ARHGAP6: variants seen among roughly 807,000 people sequenced by gnomAD.
ARHGAP6 encodes the protein rho GTPase-activating protein 6.
Under a neutral mutation model 55.7 loss-of-function variants are expected in ARHGAP6, and 16 were observed. That is an observed-to-expected ratio of 0.29 (90% CI 0.19 to 0.44). The LOEUF (loss-of-function observed/expected upper bound fraction) is 0.44. Ranked by LOEUF, ARHGAP6 falls within the 20% of genes least tolerant of loss-of-function variation. The pLI, the probability that ARHGAP6 is intolerant of heterozygous loss-of-function variation, is 1.00. For synonymous variants in ARHGAP6, 382 were observed against 360.9 expected (o/e 1.06, Z -0.66); for missense variants, 698 against 808.9 (o/e 0.86, Z 1.66).
chrX:11,380,562 T>G (rs964403723), intron 1 of ARHGAP6, among the ~76,000 whole-genome samples: 1 of 112,047 alleles, frequency 8.9e-6, no homozygotes, highest in Non-Finnish European at 1.9e-5. Flanking sequence ...ACTTGGGGGC[T>G]TGTAGAAACA....
intron 1 of ARHGAP6, among the ~76,000 whole-genome samples, chrX:11,616,495 T>C (rs2052166247): frequency 9.1e-6 from 1 of 110,277 alleles, no homozygotes; most frequent in Non-Finnish European, 1.9e-5. Flanking sequence ...CCAGCTAATT[T>C]TTTTGTATTT....
intron 1 of ARHGAP6, among the ~76,000 whole-genome samples, chrX:11,436,653 T>C (rs1429753606): frequency 8.9e-6 from 1 of 112,142 alleles, no homozygotes; most frequent in Non-Finnish European, 1.9e-5. Flanking sequence ...CATCAACTGA[T>C]GAATGAATAA....
chrX:11,346,852 ATAC>A (rs2048795470), intron 1 of ARHGAP6, among the ~76,000 whole-genome samples: 1 of 112,443 alleles, frequency 8.9e-6, no homozygotes, highest in Admixed American at 9.4e-5. Context: ...GTATACATTT[ATAC>A]TACATTTTTG....
intron 1 of ARHGAP6, among the ~76,000 whole-genome samples, chrX:11,267,219 T>C (rs7877529): frequency 0.043 from 4,872 of 112,136 alleles, 75 homozygotes; most frequent in Middle Eastern, 0.084. Flanking sequence ...GATAAATATG[T>C]AATTCATTTT....
intron 5 of ARHGAP6, among the ~76,000 whole-genome samples, chrX:11,185,057 GT>G (rs1182575874): frequency 2.7e-5 from 3 of 111,688 alleles, no homozygotes; most frequent in Non-Finnish European, 5.6e-5. Context: ...TAAAGGTACA[GT>G]AAAAATACAG....
At chrX:11,177,554 C>T (rs1256690383) in intron 8 of ARHGAP6, among the ~76,000 whole-genome samples, 1 of 111,518 alleles carries the variant, frequency 9.0e-6, no homozygotes, top group Admixed American at 9.5e-5. Flanking sequence ...AGGACTGACC[C>T]TCCCTTGCAT....
chrX:11,440,189 A>T lies in ARHGAP6; in HGVS notation c.589-185482T>A, dbSNP rs187657388. 6.2e-5 allele frequency among the ~76,000 whole-genome samples: 7 copies of T among 112,381 alleles called. No individual in the cohort carries two copies. In the East Asian group the frequency reaches 1.7e-3, roughly 27 times the overall value. ...TTCCTTGTCTTAAAAACCCTAGGCC[A>T]CTCACAGGAAGTGAACTCGAATTGT... On this transcript the variant is annotated intron_variant, in intron 1 of 12. Coordinates refer to ENST00000337414, the MANE Select transcript of ARHGAP6 (RefSeq NM_013427.3).
chrX:11,573,951 G>C (rs141516743), intron 1 of ARHGAP6, among the ~76,000 whole-genome samples: 2,222 of 111,438 alleles, frequency 0.02, 32 homozygotes, highest in Middle Eastern at 0.064. Flanking sequence ...TGAAGCAATT[G>C]TGAATGGGAG....
intron 1 of ARHGAP6, among the ~76,000 whole-genome samples, chrX:11,504,595 G>T (rs894726741): frequency 9.8e-5 from 11 of 112,290 alleles, no homozygotes; most frequent in African/African-American, 3.6e-4. Flanking sequence ...AAGATGCAAT[G>T]AAAATTATTG....
At chrX:11,422,354 C>G (rs1285134376) in intron 1 of ARHGAP6, among the ~76,000 whole-genome samples, 1 of 111,036 alleles carries the variant, frequency 9.0e-6, no homozygotes, top group Admixed American at 9.5e-5. Context: ...ATTTGAGGAA[C>G]AGAAAGGGCA....
intron 1 of ARHGAP6, among the ~76,000 whole-genome samples, chrX:11,446,847 A>G (rs770000648): frequency 4.5e-5 from 5 of 112,049 alleles, no homozygotes; most frequent in African/African-American, 1.3e-4. Flanking sequence ...TATCTTCTAA[A>G]TCATAAGAAC....
chrX:11,435,906 T>C (rs949353112), intron 1 of ARHGAP6, among the ~76,000 whole-genome samples: 1 of 112,129 alleles, frequency 8.9e-6, no homozygotes, highest in Admixed American at 9.5e-5. Context: ...TGTGGTTTTG[T>C]CAAGTTTTCT....
intron 1 of ARHGAP6, among the ~76,000 whole-genome samples, chrX:11,506,291 G>A (rs2050731173): frequency 9.0e-6 from 1 of 111,040 alleles, no homozygotes; most frequent in Non-Finnish European, 1.9e-5. Flanking sequence ...TGCAGAACGT[G>A]CAGTTTTGTT....
At chrX:11,553,004 G>GTTAATT (rs2051286099) in intron 1 of ARHGAP6, among the ~76,000 whole-genome samples, 13 of 110,884 alleles carry the variant, frequency 1.2e-4, no homozygotes, top group African/African-American at 4.3e-4. Context: ...ATAAGTATGT[G>GTTAATT]AGGTAATGCA....
At chrX:11,612,742 T>A (rs1489327026) in intron 1 of ARHGAP6, among the ~76,000 whole-genome samples, 1 of 112,609 alleles carries the variant, frequency 8.9e-6, no homozygotes, top group African/African-American at 3.2e-5. Flanking sequence ...ATAACACTTC[T>A]CATAGAGGAG....
At chrX:11,151,399 G>T (rs774139427) in intron 10 of ARHGAP6, among the ~76,000 whole-genome samples, 58 of 109,973 alleles carry the variant, frequency 5.3e-4, no homozygotes, top group Admixed American at 5.1e-3. Flanking sequence ...CGAGTAGCTG[G>T]GAGTACAGGC....
rs372488657 is a variant in ARHGAP6, at chrX:11,300,626, G to A, written c.589-45919C>T. 3 of 1,193,991 alleles carry A rather than the reference G, an allele frequency of 2.5e-6. No individual in the cohort carries two copies. The African/African-American group carries it at 5.3e-5, about 21-fold the overall frequency. On this transcript the variant is annotated intron_variant, in intron 1 of 12. Coordinates refer to ENST00000337414, the MANE Select transcript of ARHGAP6 (RefSeq NM_013427.3). ...TTTCAGGATTAAAAGATCAGAAGAT[G>A]AGAGGGGAATGAATACTTCAGATGC... is the stretch of plus-strand genomic sequence containing the variant.
intron 1 of ARHGAP6, among the ~76,000 whole-genome samples, chrX:11,532,107 C>G (rs60943364): frequency 0.13 from 14,644 of 111,885 alleles, 1,026 homozygotes; most frequent in African/African-American, 0.26. Flanking sequence ...ACACACAACA[C>G]TGTAGCCACA....
chrX:11,391,890 T>C lies in ARHGAP6; in HGVS notation c.589-137183A>G, dbSNP rs62590052. On this transcript the variant is annotated intron_variant, in intron 1 of 12. Transcript: ENST00000337414. ...GCATTTTGCAATGTCAACAGTGGTG[T>C]TCTAAGGAACACACTTGGAATAGTG... Among the ~76,000 whole-genome samples, 967 of 111,967 alleles carry C rather than the reference T, an allele frequency of 8.6e-3. 4 individuals carry two copies. The highest frequency in any genetic ancestry group is 0.014 in the Middle Eastern group (3 of 217).
Sources: gnomAD v4.1 joint callset for allele counts (sites outside exome capture counted in the v4.1 genomes callset) on GRCh38, gnomAD v4.1.1 for gene constraint, MANE v1.5 for transcripts, NCBI Gene and HGNC (gene_info 2026-07-23, HGNC 2026-07-21) for gene names.